Variants in BZW1 observed in about 807,000 individuals in gnomAD.
BZW1 encodes the protein basic leucine zipper and W2 domains 1, also known as eIF5-mimic protein 2.
In BZW1, 3 loss-of-function variants were observed where a neutral mutation model predicts 54.1. The ratio of observed to expected loss-of-function variants is 0.06; its 90% CI spans 0.03 to 0.14. The LOEUF (loss-of-function observed/expected upper bound fraction) is 0.14. Ranked by LOEUF, BZW1 falls within the 10% of genes least tolerant of loss-of-function variation. The pLI, the probability that BZW1 is intolerant of heterozygous loss-of-function variation, is 1.00. For missense variants in BZW1, 206 were observed against 491.7 expected (o/e 0.42, Z 5.50); for synonymous variants, 152 against 162.7 (o/e 0.93, Z 0.50).
chr2:200,820,402 A>G (rs990170624), intron 10 of BZW1, among the ~76,000 whole-genome samples: 4 of 152,202 alleles, frequency 2.6e-5, no homozygotes, highest in African/African-American at 9.7e-5. Context: ...AAGTTCAGCT[A>G]GGTGTGGTGG....
intron 3 of BZW1, 39 bp downstream of exon 3, chr2:200,815,556 G>A: frequency 6.2e-7 from 1 of 1,610,210 alleles, no homozygotes. Flanking sequence ...AATTTAGAAA[G>A]GTATAATATA....
chr2:200,817,304 A>G, intron 6 of BZW1, 63 bp downstream of exon 6: 1 of 1,568,998 alleles, frequency 6.4e-7, no homozygotes. Flanking sequence ...AGCATGGTTT[A>G]CTGTTCATAG....
chr2:200,819,477 C>T (rs1309144199), intron 9 of BZW1, among the ~76,000 whole-genome samples: 6 of 152,016 alleles, frequency 3.9e-5, no homozygotes, highest in African/African-American at 1.5e-4. Context: ...ATTTTTCCCC[C>T]CCTCTAAAAT....
chr2:200,826,417 T>TGATAGATAGATAGA lies in BZW1; in HGVS notation c.*4239_*4240insGATAGATAGATAGA, dbSNP rs1559318441. 1.9e-5 allele frequency: 1 copy of TGATAGATAGATAGA among 53,506 alleles called. No individual in the cohort carries two copies. The highest frequency in any genetic ancestry group is 1.0e-3 in the East Asian group (1 of 978). 3.3% of individuals were successfully genotyped at this position (53,506 alleles called of 1,614,324 possible). On this transcript the variant is annotated 3_prime_UTR_variant, in exon 12 of 12. Coordinates refer to ENST00000409600, the MANE Select transcript of BZW1 (RefSeq NM_001207067.2). ...GATAGATAGATAGATATTTTTTTTTTTTTTTTTTTTTTTTTTTTTTTTTTT... is the reference window on the plus strand; with the variant it reads ...GATAGATAGATAGATATTTTTTTTTTGATAGATAGATAGATTTTTTTTTTTTTTTTTTTTTTTTT...
chr2:200,812,772 G>T (rs1413168496), intron 1 of BZW1: 1 of 711,618 alleles, frequency 1.4e-6, no homozygotes, highest in East Asian at 2.7e-5. Context: ...CTTGTCAGAA[G>T]AAGGGGTTCA....
chr2:200,819,854 T>A (rs1164186366), intron 9 of BZW1, 128 bp from the exon 10 acceptor site: 1 of 918,360 alleles, frequency 1.1e-6, no homozygotes, highest in Non-Finnish European at 1.5e-6. Flanking sequence ...AAATTTCTGG[T>A]AAATAAGTTA....
chr2:200,822,117 A>G, intron 11 of BZW1, 30 bp from the exon 12 acceptor site: 2 of 1,588,726 alleles, frequency 1.3e-6, no homozygotes, highest in East Asian at 4.5e-5. Flanking sequence ...CTGATACATA[A>G]TGTTTGACTG....
Position 200,825,522 on chromosome 2 carries a change from A to G in BZW1, c.*3344A>G, listed in dbSNP as rs909455334. On this transcript the variant is annotated 3_prime_UTR_variant, in exon 12 of 12. Coordinates refer to ENST00000409600, the MANE Select transcript of BZW1 (RefSeq NM_001207067.2). ...ATTTTTTCTGTCAGGGTCAATAGAA[A>G]GTAGACGAAATTCATTTTCAGCCAA... 4 of 152,230 alleles carry G rather than the reference A, an allele frequency of 2.6e-5. No homozygotes were observed. The highest frequency in any genetic ancestry group is 6.5e-5 in the Admixed American group (1 of 15,284). The allele number at this position is 152,230 out of a possible 1,614,324, so 9.4% of individuals were successfully genotyped here. A position where few individuals can be genotyped will look rare whatever the true frequency, so the allele number is the denominator to read the frequency against.
rs141605981 is a variant in BZW1 at position 200,813,399 on chromosome 2, C to T, written c.64+118C>T. On this transcript the variant is annotated intron_variant, in intron 2 of 11. Coordinates refer to ENST00000409600, the MANE Select transcript of BZW1 (RefSeq NM_001207067.2). ...CTCAAAAGAAGATACCAGAAAGAAACTTGAATTTCTCGTTGACTGCCATTT... is the reference window on the plus strand; with the variant it reads ...CTCAAAAGAAGATACCAGAAAGAAATTTGAATTTCTCGTTGACTGCCATTT... The T allele has an allele frequency of 5.8e-3, 5,092 of 881,412 alleles. 41 individuals are homozygous for T. Among genetic ancestry groups the T allele is most frequent in the Middle Eastern group, 9.2e-3 (27 of 2,938 alleles). The allele number at this position is 881,412 out of a possible 1,614,324, so 54.6% of individuals were successfully genotyped here.
chr2:200,812,811 A>G, intron 1 of BZW1: 1 of 682,656 alleles, frequency 1.5e-6, no homozygotes, highest in South Asian at 1.5e-5. Flanking sequence ...GAATTGGCAT[A>G]CACATTTTGG....
At chr2:200,819,943 G>T (rs1362302151) in intron 9 of BZW1, 39 bp from the exon 10 acceptor site, 2 of 1,456,792 alleles carry the variant, frequency 1.4e-6, no homozygotes, top group African/African-American at 2.9e-5. Context: ...ATGGTTATTT[G>T]TAATGAATGA....
chr2:200,811,643 C>T (rs972714901), upstream of BZW1: 1 of 152,372 alleles, frequency 6.6e-6, no homozygotes, highest in Admixed American at 6.5e-5. Flanking sequence ...CTTCCAACCC[C>T]TCCATGTGTG....
chr2:200,815,376 G>C lies in BZW1; in HGVS notation c.100G>C (p.Asp34His), dbSNP rs368021486. The change falls in exon 3 of 12, where the codon GAC (aspartate) becomes CAC (histidine). Residue 34 changes from aspartate to histidine, a missense_variant. Asp to His is a moderately conservative substitution (Grantham distance 81). Transcript: ENST00000409600. The part of the protein sequence containing the change: ...KERFDPTQFQ[D>H]CIIQGLTETG... The stretch of plus-strand genomic sequence containing the variant: ...GAGGTTTGACCCTACTCAGTTTCAA[G>C]ACTGTATTATTCAAGGCTTAACTGA... 6.2e-7 allele frequency: 1 copy of C among 1,613,848 alleles called. No individual in the cohort carries two copies. Among genetic ancestry groups the C allele is most frequent in the Non-Finnish European group, 8.5e-7 (1 of 1,179,824 alleles).
intron 1 of BZW1, chr2:200,812,915 A>C: frequency 1.5e-6 from 1 of 660,974 alleles, no homozygotes; most frequent in Non-Finnish European, 2.9e-6. Context: ...AATGTGGAGA[A>C]AACTGAACAA....
At chr2:200,818,495 G>C in intron 8 of BZW1, 102 bp downstream of exon 8, 2 of 1,330,962 alleles carry the variant, frequency 1.5e-6, no homozygotes. Flanking sequence ...TGAGTTAATA[G>C]TAACAGGATG....
chr2:200,813,935 A>G (rs1292340169), intron 2 of BZW1, among the ~76,000 whole-genome samples: 1 of 152,220 alleles, frequency 6.6e-6, no homozygotes, highest in East Asian at 1.9e-4. Context: ...GTTTTGAGGA[A>G]ATGAAGAACT....
chr2:200,820,881 T>TG (rs2038483917), intron 10 of BZW1, among the ~76,000 whole-genome samples: 1 of 152,188 alleles, frequency 6.6e-6, no homozygotes, highest in Non-Finnish European at 1.5e-5. Flanking sequence ...TATTGTTCCC[T>TG]TTTCTCCTGA....
intron 1 of BZW1, chr2:200,812,970 A>C: frequency 1.5e-6 from 1 of 685,330 alleles, no homozygotes; most frequent in Non-Finnish European, 2.7e-6. Flanking sequence ...AATGTCGCTT[A>C]AAAGTAGTTC....
chr2:200,817,920 A>G, intron 6 of BZW1, 54 bp from the exon 7 acceptor site: 4 of 1,237,486 alleles, frequency 3.2e-6, no homozygotes, highest in South Asian at 2.7e-5. Context: ...AGGGGGACAC[A>G]GTGATTGAAA....
Sources: gnomAD v4.1 joint callset for allele counts (sites outside exome capture counted in the v4.1 genomes callset) on GRCh38, gnomAD v4.1.1 for gene constraint, MANE v1.5 for transcripts, NCBI Gene and HGNC (gene_info 2026-07-23, HGNC 2026-07-21) for gene names.